Variants in CARD8 observed in about 807,000 individuals in gnomAD.
CARD8 encodes caspase recruitment domain-containing protein 8.
A neutral mutation model predicts 53.2 loss-of-function variants in CARD8; 38 were observed. The ratio of observed to expected loss-of-function variants is 0.71; its 90% CI spans 0.55 to 0.94. The LOEUF (loss-of-function observed/expected upper bound fraction) is 0.94. CARD8 is among the 40% of genes least tolerant of loss of function. The probability of loss-of-function intolerance (pLI) is 0.00; values close to 1 mark genes in which losing one functional copy is unlikely to be tolerated. For synonymous variants in CARD8, 245 were observed against 244.9 expected, an observed-to-expected ratio of 1.00 and a Z score of 0.00; for missense variants, 561 against 655.5, an observed-to-expected ratio of 0.86 and a Z score of 1.57.
chr19:48,207,060 C>T (rs1364543981), downstream of CARD8, among the ~76,000 whole-genome samples: 2 of 150,828 alleles, frequency 1.3e-5, no homozygotes, highest in Non-Finnish European at 2.9e-5. Context: ...CCCAGCTACT[C>T]AGGAGGCTGA....
intron 6 of CARD8, 98 bp downstream of exon 6, chr19:48,234,305 G>T: frequency 1.6e-6 from 2 of 1,260,182 alleles, no homozygotes; most frequent in Non-Finnish European, 1.1e-6. Flanking sequence ...TCTCCCCTGA[G>T]TTCGATGAAA....
chr19:48,250,188 A>G (rs1049083149), intron 1 of CARD8, among the ~76,000 whole-genome samples: 3 of 152,196 alleles, frequency 2.0e-5, no homozygotes, highest in Non-Finnish European at 2.9e-5. Flanking sequence ...GAGCATTGCA[A>G]TTGGGAATAG....
intron 5 of CARD8, among the ~76,000 whole-genome samples, chr19:48,237,740 T>C (rs776077412): frequency 2.0e-5 from 3 of 151,120 alleles, no homozygotes; most frequent in Non-Finnish European, 4.4e-5. Context: ...GAGGTTGTAG[T>C]GAGCCAAGAT....
At chr19:48,206,870 G>A (rs1388712060), downstream of CARD8, among the ~76,000 whole-genome samples, 2 of 152,184 alleles carry the variant, frequency 1.3e-5, no homozygotes, top group African/African-American at 2.4e-5. Flanking sequence ...ACTGCAGAAA[G>A]TTCTGTTGGA....
intron 10 of CARD8, among the ~76,000 whole-genome samples, chr19:48,225,984 C>G (rs1425480235): frequency 1.4e-5 from 2 of 140,080 alleles, no homozygotes; most frequent in African/African-American, 5.5e-5. Flanking sequence ...ACCTGGGAGA[C>G]GGAGGTTGCA....
At chr19:48,233,104 C>T (rs140251484) in intron 6 of CARD8, 18 of 352,862 alleles carry the variant, frequency 5.1e-5, no homozygotes, top group African/African-American at 3.4e-4. Flanking sequence ...TACCAGGTCA[C>T]AGCCCACATC....
chr19:48,215,428 T>C, intron 12 of CARD8, 44 bp from the exon 13 acceptor site: 2 of 1,368,664 alleles, frequency 1.5e-6, no homozygotes, highest in Non-Finnish European at 2.1e-6. Flanking sequence ...AGATAAATCA[T>C]GTACCCTTAT....
intron 6 of CARD8, chr19:48,233,091 CA>C: frequency 2.8e-6 from 1 of 351,894 alleles, no homozygotes; most frequent in Non-Finnish European, 5.5e-6. Flanking sequence ...AAAAACCACC[CA>C]ATACCAGGTC....
downstream of CARD8, among the ~76,000 whole-genome samples, chr19:48,207,589 C>T (rs947619857): frequency 2.0e-5 from 3 of 152,016 alleles, no homozygotes; most frequent in Admixed American, 1.3e-4. Flanking sequence ...TTACTCATAA[C>T]GTTTGCCCAT....
intron 10 of CARD8, among the ~76,000 whole-genome samples, chr19:48,228,558 C>T (rs1190681938): frequency 6.6e-6 from 1 of 152,112 alleles, no homozygotes; most frequent in Admixed American, 6.5e-5. Flanking sequence ...GATCTGGGAA[C>T]AGAGTGAGAA....
chr19:48,220,720 T>C (rs1275307236), intron 11 of CARD8, among the ~76,000 whole-genome samples: 1 of 152,036 alleles, frequency 6.6e-6, no homozygotes, highest in African/African-American at 2.4e-5. Context: ...GAGACCAGCC[T>C]GGCCAACATG....
chr19:48,250,039 A>G (rs1479471580), intron 1 of CARD8, among the ~76,000 whole-genome samples, 192 bp from the exon 2 acceptor site: 1 of 152,186 alleles, frequency 6.6e-6, no homozygotes, highest in East Asian at 1.9e-4. Flanking sequence ...TTCTGTAATA[A>G]TAATTTTTAT....
chr19:48,249,132 G>A (rs1488725421), intron 3 of CARD8, among the ~76,000 whole-genome samples: 13 of 151,424 alleles, frequency 8.6e-5, no homozygotes. Flanking sequence ...GAGAGGTGGA[G>A]GTTGCAGTGA....
intron 6 of CARD8, chr19:48,233,580 C>T (rs977708443): frequency 5.8e-6 from 2 of 346,986 alleles, no homozygotes; most frequent in Non-Finnish European, 1.1e-5. Flanking sequence ...AGTAAACATG[C>T]CATTTTATAT....
At position 48,230,654 on chromosome 19, in the gene CARD8, A is replaced by G. The variant is rs1476822827; in HGVS notation, c.819T>C (p.Asn273=). ...CTGGATGCTCCAGGACCATCCCTTC[A>G]TTCTTAAAATGGGCAACGAGAAACC... is the stretch of plus-strand genomic sequence containing the variant. ...VSWFLVAHFK[N]EGMVLEHPAR... Residue 273 remains asparagine, a synonymous_variant, in exon 10 of 14, where the codon AAT becomes AAC. Transcript: ENST00000651546. The G allele has an allele frequency of 6.2e-7, 1 of 1,614,108 alleles. No homozygotes were observed. The highest frequency in any genetic ancestry group is 2.2e-5 in the East Asian group (1 of 44,884).
At chr19:48,248,335 C>A (rs1405707221) in intron 3 of CARD8, among the ~76,000 whole-genome samples, 1 of 151,892 alleles carries the variant, frequency 6.6e-6, no homozygotes, top group Admixed American at 6.6e-5. Context: ...TGCCACACAG[C>A]GAAGCCCTGT....
intron 1 of CARD8, 136 bp from the exon 2 acceptor site, chr19:48,249,983 CTT>C (rs1200616472): frequency 2.7e-5 from 3 of 113,000 alleles, no homozygotes; most frequent in Non-Finnish European, 5.3e-5. Flanking sequence ...ACTTCAATGA[CTT>C]GGCTGGGACA....
At chr19:48,213,863 T>C (rs148292965) in intron 13 of CARD8, among the ~76,000 whole-genome samples, 2 of 152,300 alleles carry the variant, frequency 1.3e-5, no homozygotes, top group African/African-American at 4.8e-5. Context: ...TTGTTATCCA[T>C]CCTTTAATAG....
chr19:48,231,044 C>A (rs1458369415), intron 8 of CARD8, 38 bp from the exon 9 acceptor site: 1 of 1,545,750 alleles, frequency 6.5e-7, no homozygotes, highest in Admixed American at 1.7e-5. Context: ...CGGGAGAACC[C>A]CAGGACTTGG....
Sources: gnomAD v4.1 joint callset for allele counts (sites outside exome capture counted in the v4.1 genomes callset) on GRCh38, gnomAD v4.1.1 for gene constraint, MANE v1.5 for transcripts, NCBI Gene and HGNC (gene_info 2026-07-23, HGNC 2026-07-21) for gene names.